The following CNTNAP2 variants were observed in gnomAD, a reference collection of about 807,000 sequenced individuals.
CNTNAP2 encodes the protein contactin-associated protein-like 2.
In CNTNAP2, 98 loss-of-function variants were observed where a neutral mutation model predicts 155.2. That is an observed-to-expected ratio of 0.63 (90% CI 0.54 to 0.75). The LOEUF (loss-of-function observed/expected upper bound fraction) is 0.75, where lower values mean the gene tolerates loss of function less well. CNTNAP2 is among the 30% of genes least tolerant of loss of function. The pLI, the probability that CNTNAP2 is intolerant of heterozygous loss-of-function variation, is 0.00. For synonymous variants in CNTNAP2, 651 were observed against 631.2 expected (o/e 1.03, Z -0.47); for missense variants, 1,727 against 1,688.1 (o/e 1.02, Z -0.40).
chr7:146,187,838 A>C, intron 1 of CNTNAP2, among the ~76,000 whole-genome samples: 1 of 152,134 alleles, frequency 6.6e-6, no homozygotes, highest in East Asian at 1.9e-4. Context: ...GAAGCATGAA[A>C]CCCTTCAGTC....
At chr7:146,270,225 G>C (rs114255402) in intron 1 of CNTNAP2, among the ~76,000 whole-genome samples, 2,210 of 152,172 alleles carry the variant, frequency 0.015, 55 homozygotes, top group African/African-American at 0.049. Flanking sequence ...ATAGAATTTT[G>C]TATAGAATTC....
chr7:148,273,394 A>G (rs898091684), intron 21 of CNTNAP2, among the ~76,000 whole-genome samples: 1 of 152,232 alleles, frequency 6.6e-6, no homozygotes, highest in African/African-American at 2.4e-5. Context: ...ATTTAGAAGA[A>G]TATCAATGTA....
chr7:146,336,182 C>T (rs980469615), intron 1 of CNTNAP2, among the ~76,000 whole-genome samples: 3 of 146,148 alleles, frequency 2.1e-5, no homozygotes, highest in Non-Finnish European at 4.5e-5. Context: ...CTGGGCAACA[C>T]GAGTGAAACT....
rs115066879 is a variant in CNTNAP2, at chr7:147,534,718, A to G, written c.1778-27420A>G. On this transcript the variant is annotated intron_variant, in intron 11 of 23. Coordinates refer to ENST00000361727, the MANE Select transcript of CNTNAP2 (RefSeq NM_014141.6). ...CTAGGAATCAAAATTTCAATGGGCA[A>G]TAAAAACAAGTGATAATTTCCTTTG... 7.5e-3 allele frequency among the ~76,000 whole-genome samples: 1,150 copies of G among 152,342 alleles called. 16 individuals carry two copies. Among genetic ancestry groups the G allele is most frequent in the African/African-American group, 0.026 (1,100 of 41,578 alleles).
intron 21 of CNTNAP2, among the ~76,000 whole-genome samples, chr7:148,365,195 G>A (rs961973072): frequency 5.9e-5 from 9 of 152,032 alleles, no homozygotes; most frequent in African/African-American, 9.7e-5. Flanking sequence ...GCATCTCCCC[G>A]TCTCACTCTC....
At chr7:147,953,873 T>C (rs1366845273) in intron 14 of CNTNAP2, among the ~76,000 whole-genome samples, 1 of 152,116 alleles carries the variant, frequency 6.6e-6, no homozygotes, top group Non-Finnish European at 1.5e-5. Context: ...CCCCTTCCTA[T>C]TAGGACACTA....
At chr7:146,725,301 G>A (rs1801411880) in intron 1 of CNTNAP2, among the ~76,000 whole-genome samples, 1 of 152,142 alleles carries the variant, frequency 6.6e-6, no homozygotes, top group African/African-American at 2.4e-5. Context: ...CTGACAACTA[G>A]TAAAACAACC....
intron 8 of CNTNAP2, among the ~76,000 whole-genome samples, chr7:147,180,134 A>G (rs367882010): frequency 3.3e-5 from 5 of 152,146 alleles, no homozygotes; most frequent in East Asian, 3.9e-4. Context: ...GGTGCACACA[A>G]TCTCACAAGA....
rs573178570 is a variant in CNTNAP2 at position 148,388,067 on chromosome 7, CAAGA to C, written c.3715+4182_3715+4185del. Among the ~76,000 whole-genome samples, 462 of 152,288 alleles carry C rather than the reference CAAGA, an allele frequency of 3.0e-3. 1 individual carries two copies. Among genetic ancestry groups the C allele is most frequent in the African/African-American group, 0.011 (440 of 41,546 alleles). On this transcript the variant is annotated intron_variant, in intron 22 of 23. Coordinates refer to ENST00000361727, the MANE Select transcript of CNTNAP2 (RefSeq NM_014141.6). Reference sequence around the variant, plus strand: ...ATCCACCCCTTGTTTAGCATATAATCAAGAAATAACCATAAAAATGGGCAACCAG... The same window carrying C: ...ATCCACCCCTTGTTTAGCATATAATCAATAACCATAAAAATGGGCAACCAG...
chr7:147,649,297 T>A (rs899636135), intron 13 of CNTNAP2, among the ~76,000 whole-genome samples: 1 of 152,204 alleles, frequency 6.6e-6, no homozygotes, highest in Non-Finnish European at 1.5e-5. Flanking sequence ...CCTTCTCATG[T>A]CTTTCTGTTT....
At chr7:146,397,871 C>CTTTTT (rs1438446898) in intron 1 of CNTNAP2, among the ~76,000 whole-genome samples, 10 of 126,948 alleles carry the variant, frequency 7.9e-5, no homozygotes, top group African/African-American at 2.0e-4. Context: ...ATTTGACAGG[C>CTTTTT]TTTTATTTAT....
intron 1 of CNTNAP2, among the ~76,000 whole-genome samples, chr7:146,769,856 A>G (rs1802262033): frequency 6.6e-6 from 1 of 152,186 alleles, no homozygotes; most frequent in African/African-American, 2.4e-5. Flanking sequence ...ACTGTGCTCC[A>G]ATAAAACTTT....
chr7:147,448,839 C>A (rs1274605809), intron 10 of CNTNAP2, among the ~76,000 whole-genome samples: 5 of 151,970 alleles, frequency 3.3e-5, no homozygotes, highest in Non-Finnish European at 5.9e-5. Flanking sequence ...TAGTTGGCAA[C>A]CTTGGGTGAC....
chr7:147,549,445 G>T (rs1799808259), intron 11 of CNTNAP2, among the ~76,000 whole-genome samples: 1 of 152,104 alleles, frequency 6.6e-6, no homozygotes, highest in South Asian at 2.1e-4. Context: ...TTTGCACATT[G>T]ATTTTGTATC....
chr7:146,301,477 T>G (rs1003841370), intron 1 of CNTNAP2, among the ~76,000 whole-genome samples: 2 of 150,772 alleles, frequency 1.3e-5, no homozygotes, highest in African/African-American at 4.9e-5. Flanking sequence ...ACAAAAAAAA[T>G]TAGCCAAGTG....
At chr7:148,361,039 C>T (rs552368580) in intron 21 of CNTNAP2, among the ~76,000 whole-genome samples, 25 of 152,188 alleles carry the variant, frequency 1.6e-4, no homozygotes, top group African/African-American at 3.1e-4. Context: ...GAACTCCTAA[C>T]CTCAGGTGAT....
intron 1 of CNTNAP2, among the ~76,000 whole-genome samples, chr7:146,282,120 T>C (rs1800261774): frequency 6.6e-6 from 1 of 152,228 alleles, no homozygotes; most frequent in Admixed American, 6.5e-5. Context: ...TGCTTGCCTA[T>C]TGACCAGTCT....
At position 146,512,402 on chromosome 7, in the gene CNTNAP2, CT is replaced by C. The variant is rs201163532; in HGVS notation, c.98-261861del. 9.7e-3 allele frequency among the ~76,000 whole-genome samples: 1,465 copies of C among 151,562 alleles called. 13 individuals are homozygous for C. The highest frequency in any genetic ancestry group is 0.015 in the Non-Finnish European group (1,022 of 67,742). On this transcript the variant is annotated intron_variant, in intron 1 of 23. Transcript: ENST00000361727. ...AGGCAGCTTATTTGAAGCTTTACCA[CT>C]TTTTTTTATGTAGATGTTCATTGCT...
intron 11 of CNTNAP2, among the ~76,000 whole-genome samples, chr7:147,506,521 C>T (rs1192544888): frequency 6.6e-6 from 1 of 152,226 alleles, no homozygotes; most frequent in African/African-American, 2.4e-5. Flanking sequence ...TCCCAAAATG[C>T]TGGGATTACA....
Sources: allele counts gnomAD v4.1 joint callset (sites outside exome capture counted in the v4.1 genomes callset), GRCh38; gene constraint gnomAD v4.1.1; transcripts MANE v1.5; gene names NCBI Gene and HGNC (gene_info 2026-07-23, HGNC 2026-07-21).